The following RBFOX1 variants were observed in gnomAD, a reference collection of about 807,000 sequenced individuals.
RBFOX1 encodes RNA binding protein fox-1 homolog 1.
In RBFOX1, 8 loss-of-function variants were observed where a neutral mutation model predicts 57.7. The observed-to-expected ratio is 0.14, with a 90% confidence interval of 0.08 to 0.25. The LOEUF is 0.25. RBFOX1 is among the 10% of genes least tolerant of loss of function. The probability of loss-of-function intolerance (pLI) is 1.00; values close to 1 mark genes in which losing one functional copy is unlikely to be tolerated. For missense variants in RBFOX1, 611 were observed against 548.5 expected (o/e 1.11, Z -1.14); for synonymous variants, 326 against 222.4 (o/e 1.47, Z -4.15).
intron 2 of RBFOX1, among the ~76,000 whole-genome samples, chr16:5,512,228 T>G (rs1333379186): frequency 6.6e-6 from 1 of 152,172 alleles, no homozygotes; most frequent in Non-Finnish European, 1.5e-5. Flanking sequence ...ACAGTGCAGC[T>G]GAAACTGCTG....
chr16:6,505,221 C>A (rs1204479133), intron 2 of RBFOX1, among the ~76,000 whole-genome samples: 1 of 152,144 alleles, frequency 6.6e-6, no homozygotes, highest in Non-Finnish European at 1.5e-5. Flanking sequence ...GATTGTCAGT[C>A]ACTTTTATGT....
chr16:6,920,336 G>C (rs1292218580), intron 3 of RBFOX1, among the ~76,000 whole-genome samples: 1 of 152,118 alleles, frequency 6.6e-6, no homozygotes, highest in African/African-American at 2.4e-5. Flanking sequence ...TCTTAATGAA[G>C]TTCACTCCTG....
chr16:6,288,958 C>G (rs189225229), intron 1 of RBFOX1, among the ~76,000 whole-genome samples: 1 of 152,182 alleles, frequency 6.6e-6, no homozygotes, highest in Admixed American at 6.5e-5. Context: ...AGGGTATAGA[C>G]CAACTTCTTT....
At chr16:6,178,371 G>A (rs1484909619) in intron 1 of RBFOX1, among the ~76,000 whole-genome samples, 2 of 151,726 alleles carry the variant, frequency 1.3e-5, no homozygotes, top group African/African-American at 4.8e-5. Flanking sequence ...TTTTAGTATA[G>A]ATGGGGTTTT....
intron 3 of RBFOX1, among the ~76,000 whole-genome samples, chr16:6,672,836 T>C (rs2098775442): frequency 6.6e-6 from 1 of 152,156 alleles, no homozygotes; most frequent in African/African-American, 2.4e-5. Context: ...AGCCCATTTC[T>C]TAGGTGGACC....
At chr16:6,912,769 C>G (rs945239582) in intron 3 of RBFOX1, among the ~76,000 whole-genome samples, 2 of 151,904 alleles carry the variant, frequency 1.3e-5, no homozygotes, top group Non-Finnish European at 2.9e-5. Flanking sequence ...AGGCACATGC[C>G]ACCACACGTG....
intron 3 of RBFOX1, among the ~76,000 whole-genome samples, chr16:6,799,789 C>A (rs542349022): frequency 1.3e-5 from 2 of 152,164 alleles, no homozygotes; most frequent in South Asian, 4.2e-4. Context: ...GGACTTAACA[C>A]CAGTGGTTTG....
rs571880320 is a variant in RBFOX1, at chr16:7,156,473, A to G, written c.27+104375A>G. On this transcript the variant is annotated intron_variant, in intron 4 of 15. Transcript: ENST00000550418. ...TATGTGTACATATACATGCACATAT[A>G]CAGGTAGATACACATCTATGTGTGC... is the stretch of plus-strand genomic sequence containing the variant. Among the ~76,000 whole-genome samples the G allele has an allele frequency of 7.2e-5, 11 of 152,262 alleles. No individual in the cohort carries two copies. The South Asian group carries it at 1.7e-3, about 23-fold the overall frequency.
chr16:5,273,920 C>G (rs1487799747), intron 1 of RBFOX1, among the ~76,000 whole-genome samples: 2 of 152,136 alleles, frequency 1.3e-5, no homozygotes, highest in Non-Finnish European at 2.9e-5. Flanking sequence ...GAATTCCCCA[C>G]CTGCCAGGTA....
At chr16:6,163,891 C>T (rs766102759) in intron 1 of RBFOX1, among the ~76,000 whole-genome samples, 24 of 152,082 alleles carry the variant, frequency 1.6e-4, no homozygotes, top group Non-Finnish European at 1.9e-4. Flanking sequence ...GGTTGTCAGA[C>T]GTTGCCTCTG....
intron 14 of RBFOX1, among the ~76,000 whole-genome samples, chr16:7,686,469 C>G (rs1326888185): frequency 6.6e-6 from 1 of 152,014 alleles, no homozygotes; most frequent in African/African-American, 2.4e-5. Flanking sequence ...CAGTATAAAC[C>G]CAGCCTTCGA....
At chr16:7,230,661 C>G (rs190130122) in intron 4 of RBFOX1, among the ~76,000 whole-genome samples, 2 of 152,266 alleles carry the variant, frequency 1.3e-5, no homozygotes, top group East Asian at 1.9e-4. Context: ...TTGTGAAAAT[C>G]AGTTGAGATA....
chr16:6,557,407 C>T (rs1223889214), intron 2 of RBFOX1, among the ~76,000 whole-genome samples: 1 of 151,982 alleles, frequency 6.6e-6, no homozygotes, highest in Non-Finnish European at 1.5e-5. Context: ...AGATGTGAAC[C>T]AGACTGGGAC....
Position 5,649,334 on chromosome 16 carries a change from T to C in RBFOX1, c.318+50373T>C, listed in dbSNP as rs958980533. Among the ~76,000 whole-genome samples the C allele has an allele frequency of 2.6e-5, 4 of 152,186 alleles. No individual in the cohort carries two copies. The East Asian group carries it at 7.8e-4, about 30-fold the overall frequency. On this transcript the variant is annotated intron_variant, in intron 3 of 19. Transcript: ENST00000641259. ...ACAGGCATGCGCCACTATGCCTGGC[T>C]AATTTTTATATTTTTAGTACAGACG...
intron 4 of RBFOX1, among the ~76,000 whole-genome samples, chr16:7,464,799 C>G (rs527320144): frequency 2.0e-5 from 3 of 148,230 alleles, no homozygotes; most frequent in African/African-American, 5.0e-5. Flanking sequence ...CAGGTTCACG[C>G]CATTCTCCTG....
chr16:7,359,188 C>G (rs932026096), intron 4 of RBFOX1, among the ~76,000 whole-genome samples: 1 of 152,196 alleles, frequency 6.6e-6, no homozygotes, highest in Non-Finnish European at 1.5e-5. Flanking sequence ...GTCTCAGAAC[C>G]TCTCTTATCT....
At chr16:5,853,054 C>A (rs1047333508) in intron 3 of RBFOX1, among the ~76,000 whole-genome samples, 1 of 152,074 alleles carries the variant, frequency 6.6e-6, no homozygotes, top group Non-Finnish European at 1.5e-5. Context: ...TATATGTTTA[C>A]AGATCAGACT....
chr16:6,957,590 C>T (rs2082139777), intron 3 of RBFOX1, among the ~76,000 whole-genome samples: 3 of 152,064 alleles, frequency 2.0e-5, no homozygotes, highest in African/African-American at 4.8e-5. Context: ...TGGGTTATGG[C>T]ATCTTTACTG....
At chr16:5,774,709 G>C (rs372164458) in intron 3 of RBFOX1, among the ~76,000 whole-genome samples, 1 of 152,234 alleles carries the variant, frequency 6.6e-6, no homozygotes, top group East Asian at 1.9e-4. Flanking sequence ...TTTAGATAAA[G>C]TCTCACTCTC....
Sources: gnomAD v4.1 joint callset for allele counts (sites outside exome capture counted in the v4.1 genomes callset) on GRCh38, gnomAD v4.1.1 for gene constraint, MANE v1.5 for transcripts, NCBI Gene and HGNC (gene_info 2026-07-23, HGNC 2026-07-21) for gene names.